OSBPL9: variants seen among roughly 807,000 people sequenced by gnomAD.
OSBPL9 encodes oxysterol binding protein like 9.
Under a neutral mutation model 106.6 loss-of-function variants are expected in OSBPL9, and 40 were observed. That is an observed-to-expected ratio of 0.38 (90% CI 0.29 to 0.49). The LOEUF (loss-of-function observed/expected upper bound fraction) is 0.49. OSBPL9 is among the 20% of genes least tolerant of loss of function. The probability of loss-of-function intolerance (pLI) is 0.97; values close to 1 mark genes in which losing one functional copy is unlikely to be tolerated. For synonymous variants in OSBPL9, 269 were observed against 295.4 expected (o/e 0.91, Z 0.92); for missense variants, 609 against 887.2 (o/e 0.69, Z 3.98).
intron 9 of OSBPL9, 160 bp from the exon 10 acceptor site, chr1:51,760,530 C>A (rs1300089062): frequency 2.0e-6 from 2 of 1,007,040 alleles, no homozygotes; most frequent in African/African-American, 1.6e-5. Context: ...AACTCTTACA[C>A]TTCTGTATAG....
chr1:51,641,099 G>C (rs574267449), intron 1 of OSBPL9, among the ~76,000 whole-genome samples: 1 of 152,194 alleles, frequency 6.6e-6, no homozygotes, highest in South Asian at 2.1e-4. Context: ...TATTAAAGCA[G>C]ATTTAAGACT....
chr1:51,566,768 T>C, the OSBPL9 span, among the ~76,000 whole-genome samples: 1 of 152,312 alleles, frequency 6.6e-6, no homozygotes, highest in Admixed American at 6.5e-5. Flanking sequence ...TTCCCTGCAC[T>C]GCAGCTCTCA....
At position 51,713,988 on chromosome 1, in the gene OSBPL9, A is replaced by T. The variant is rs143604424; in HGVS notation, c.242-15A>T. The T allele has an allele frequency of 9.8e-5, 156 of 1,588,658 alleles. No homozygotes were observed. The East Asian group carries it at 3.4e-3, about 34-fold the overall frequency. On this transcript the variant is annotated splice_polypyrimidine_tract_variant and intron_variant, in intron 3 of 23. Transcript: ENST00000428468. ...AATTAAACTTTTAATTTTAATGTATAATCTTTTATTCCAGCCCGTGATGCT... is the reference window on the plus strand; with the variant it reads ...AATTAAACTTTTAATTTTAATGTATTATCTTTTATTCCAGCCCGTGATGCT...
chr1:51,608,861 A>G (rs1008867315), intron 2 of OSBPL9, among the ~76,000 whole-genome samples: 26 of 147,180 alleles, frequency 1.8e-4, no homozygotes, highest in African/African-American at 7.0e-4. Context: ...TGCTGGGGGA[A>G]AAAAAAAATC....
At chr1:51,521,612 C>G in the OSBPL9 span, among the ~76,000 whole-genome samples, 2 of 152,094 alleles carry the variant, frequency 1.3e-5, no homozygotes, top group Non-Finnish European at 2.9e-5. Flanking sequence ...GTGGCACATG[C>G]CTATAGTCCC....
At chr1:51,730,463 C>T (rs555310391) in intron 4 of OSBPL9, among the ~76,000 whole-genome samples, 11 of 152,074 alleles carry the variant, frequency 7.2e-5, no homozygotes, top group Non-Finnish European at 1.6e-4. Context: ...TCGTGCCTGG[C>T]CCTGTATTTT....
chr1:51,633,959 A>C (rs983039256), intron 1 of OSBPL9, among the ~76,000 whole-genome samples: 2 of 152,066 alleles, frequency 1.3e-5, no homozygotes, highest in Non-Finnish European at 2.9e-5. Context: ...CATTGCAAAC[A>C]TTTTTCCTGA....
intron 7 of OSBPL9, among the ~76,000 whole-genome samples, chr1:51,748,904 G>A (rs926052380): frequency 3.3e-5 from 5 of 152,076 alleles, no homozygotes; most frequent in South Asian, 2.1e-4. Context: ...TGACCAACAT[G>A]GATAAACCCC....
At chr1:51,746,335 G>A (rs1188373611) in intron 5 of OSBPL9, among the ~76,000 whole-genome samples, 1 of 151,818 alleles carries the variant, frequency 6.6e-6, no homozygotes, top group African/African-American at 2.4e-5. Flanking sequence ...GAAATGAATT[G>A]TCTCCTTCAG....
At chr1:51,710,313 C>T (rs1469347066) in intron 3 of OSBPL9, among the ~76,000 whole-genome samples, 1 of 152,150 alleles carries the variant, frequency 6.6e-6, no homozygotes, top group Non-Finnish European at 1.5e-5. Context: ...TTCTTTTGCA[C>T]AGTGAGTATT....
chr1:51,572,367 G>C (rs372166984), upstream of OSBPL9, among the ~76,000 whole-genome samples: 1 of 152,064 alleles, frequency 6.6e-6, no homozygotes, highest in East Asian at 1.9e-4. Flanking sequence ...GAGCATGGCA[G>C]GCAATGGTTA....
chr1:51,731,165 G>C (rs1664305153), intron 4 of OSBPL9, among the ~76,000 whole-genome samples: 1 of 151,964 alleles, frequency 6.6e-6, no homozygotes, highest in Non-Finnish European at 1.5e-5. Flanking sequence ...GGCCAGTCGT[G>C]GTGGCTCAGA....
At chr1:51,695,500 G>A (rs1655831074) in intron 3 of OSBPL9, among the ~76,000 whole-genome samples, 1 of 152,114 alleles carries the variant, frequency 6.6e-6, no homozygotes, top group African/African-American at 2.4e-5. Flanking sequence ...ACCCCTTTTG[G>A]ACCCAAGTTT....
chr1:51,752,876 A>G (rs550275151), intron 8 of OSBPL9, among the ~76,000 whole-genome samples: 1 of 152,298 alleles, frequency 6.6e-6, no homozygotes, highest in South Asian at 2.1e-4. Context: ...CTCATCTCCA[A>G]ATATAGCCAC....
chr1:51,786,344 C>G, intron 21 of OSBPL9, 182 bp from the exon 22 acceptor site: 6 of 539,350 alleles, frequency 1.1e-5, no homozygotes, highest in Non-Finnish European at 2.0e-5. Context: ...AGAACTTGCA[C>G]TCTGTACTAC....
chr1:51,663,812 C>T (rs1188006784), intron 2 of OSBPL9, among the ~76,000 whole-genome samples: 2 of 152,162 alleles, frequency 1.3e-5, no homozygotes, highest in Non-Finnish European at 2.9e-5. Context: ...AAAGATAGTC[C>T]AGTCTTGTCA....
the OSBPL9 span, among the ~76,000 whole-genome samples, chr1:51,546,639 G>A: frequency 6.6e-6 from 1 of 151,740 alleles, no homozygotes; most frequent in African/African-American, 2.4e-5. Flanking sequence ...GGAGCTTGCA[G>A]TGAGCCGAGA....
chr1:51,632,138 A>C (rs1290498504), intron 1 of OSBPL9, among the ~76,000 whole-genome samples: 2 of 152,162 alleles, frequency 1.3e-5, no homozygotes, highest in Non-Finnish European at 2.9e-5. Context: ...GAAGGCATAT[A>C]CTCTAAAATA....
intron 12 of OSBPL9, among the ~76,000 whole-genome samples, chr1:51,767,070 C>T (rs1160940111): frequency 6.6e-6 from 1 of 151,158 alleles, no homozygotes; most frequent in African/African-American, 2.4e-5. Context: ...CAGAGCAAGA[C>T]TCTGTTTCCA....
Sources: gnomAD v4.1 joint callset for allele counts (sites outside exome capture counted in the v4.1 genomes callset) on GRCh38, gnomAD v4.1.1 for gene constraint, MANE v1.5 for transcripts, NCBI Gene and HGNC (gene_info 2026-07-23, HGNC 2026-07-21) for gene names.